The following NMT1 variants were observed in gnomAD, a reference collection of about 807,000 sequenced individuals.
The protein encoded by NMT1 is glycylpeptide N-tetradecanoyltransferase 1.
Under a neutral mutation model 63.4 loss-of-function variants are expected in NMT1, and 12 were observed. The observed-to-expected ratio is 0.19, with a 90% CI of 0.12 to 0.31. NMT1 has a LOEUF of 0.31. NMT1 is among the 10% of genes least tolerant of loss of function. NMT1 has a pLI of 1.00. For synonymous variants in NMT1, 228 were observed against 234.3 expected (o/e 0.97, Z 0.25); for missense variants, 432 against 634.6 (o/e 0.68, Z 3.43).
In NMT1 at chr17:45,103,965, A is replaced by G. The variant is rs751699955; in HGVS notation, c.1332+89A>G. ...CACAGCTCCCGGGACGCAGCCTCCC[A>G]TGGGCTGGAGGCTCTGAGCCCTCCT... On this transcript the variant is annotated intron_variant, in intron 10 of 11. Coordinates refer to ENST00000258960, the MANE Select transcript of NMT1 (RefSeq NM_021079.5). The surrounding 1 kb of genome is among the most constrained non-coding windows in gnomAD (Gnocchi z 4.8). The G allele has an allele frequency of 6.2e-6, 10 of 1,600,946 alleles. No individual in the cohort carries two copies. The highest frequency in any genetic ancestry group is 1.3e-5 in the African/African-American group (1 of 74,910).
At chr17:45,091,323 T>C (rs1465644536) in intron 3 of NMT1, among the ~76,000 whole-genome samples, 1 of 152,032 alleles carries the variant, frequency 6.6e-6, no homozygotes, top group East Asian at 1.9e-4. Flanking sequence ...TTGGTGTCCA[T>C]GATGGTGAGG....
intron 3 of NMT1, 185 bp from the exon 4 acceptor site, chr17:45,093,499 GA>G: frequency 1.8e-6 from 1 of 565,686 alleles, no homozygotes; most frequent in South Asian, 2.1e-5. Flanking sequence ...GTTTTGCCAT[GA>G]ATTGGCCCTC....
chr17:45,103,919 A>G lies in NMT1; in HGVS notation c.1332+43A>G, dbSNP rs4793167. 1,568,284 of 1,608,902 alleles carry G rather than the reference A, an allele frequency of 0.97. 764,445 individuals are homozygous for G. The highest frequency in any genetic ancestry group is 1 in the East Asian group (44,872 of 44,874). On this transcript the variant is annotated intron_variant, in intron 10 of 11. Transcript: ENST00000258960. The surrounding 1 kb of genome is among the most constrained non-coding windows in gnomAD (Gnocchi z 4.8). ...GGGTCTCTGGAGATGTGCAGGGAAG[A>G]GGCAGTGGAGCCATGGTGAGCACAG...
chr17:45,087,120 C>T (rs1347757397), intron 3 of NMT1, among the ~76,000 whole-genome samples: 1 of 151,740 alleles, frequency 6.6e-6, no homozygotes, highest in African/African-American at 2.4e-5. Context: ...GAGATCACGC[C>T]ACCGCACTCC....
chr17:45,072,177 G>T (rs952870482), intron 1 of NMT1, among the ~76,000 whole-genome samples: 6 of 151,896 alleles, frequency 4.0e-5, no homozygotes, highest in Admixed American at 3.3e-4. Context: ...GCTTGAACCT[G>T]GGAGGTTGAG....
At position 45,061,388 on chromosome 17, in the gene NMT1, T is replaced by G. The variant is rs772952636; in HGVS notation, c.59T>G (p.Met20Arg). 32 of 1,613,810 alleles carry G rather than the reference T, an allele frequency of 2.0e-5. No individual in the cohort carries two copies. The highest frequency in any genetic ancestry group is 2.5e-5 in the Non-Finnish European group (30 of 1,179,968). Residue 20 changes from methionine (M) to arginine (R), a missense_variant, in exon 1 of 12, where the codon ATG becomes AGG. Around this residue, in one of 4 missense-constraint regions of NMT1, gnomAD observed 121 missense variants for 103.7 expected, o/e 1.17. Transcript: ENST00000258960. The part of the protein sequence containing the change: ...KPPAPPLPQM[M>R]EGNGNGHEHC... ...CCGGCACCTCCGCTGCCGCAGATGA[T>G]GGAAGGGAACGGGAACGGCCATGAG...
chr17:45,079,632 G>A (rs1158868503), intron 1 of NMT1, among the ~76,000 whole-genome samples: 1 of 152,222 alleles, frequency 6.6e-6, no homozygotes, highest in African/African-American at 2.4e-5. Context: ...AGCAGCACAA[G>A]GAAGTCCCCT....
intron 2 of NMT1, 49 bp from the exon 3 acceptor site, chr17:45,086,459 T>G (rs2054054620): frequency 6.4e-7 from 1 of 1,553,372 alleles, no homozygotes; most frequent in Non-Finnish European, 8.7e-7. Flanking sequence ...TAATCAAAAG[T>G]CTTACTAACA....
At position 45,070,575 on chromosome 17, in the gene NMT1, G is replaced by A. The variant is rs148112508; in HGVS notation, c.131+9115G>A. On this transcript the variant is annotated intron_variant, in intron 1 of 11. Coordinates refer to ENST00000258960, the MANE Select transcript of NMT1 (RefSeq NM_021079.5). The stretch of plus-strand genomic sequence containing the variant: ...TGGGACTGTAGTCGCCCGTCACCAC[G>A]CCCGGCTAATTTTTTGTATTTTTAG... 1.3e-3 allele frequency among the ~76,000 whole-genome samples: 193 copies of A among 152,194 alleles called. 1 individual carries two copies. The highest frequency in any genetic ancestry group is 2.2e-3 in the Non-Finnish European group (151 of 68,008).
intron 1 of NMT1, chr17:45,061,742 G>A (rs755246638): frequency 4.4e-5 from 15 of 339,670 alleles, no homozygotes; most frequent in Non-Finnish European, 7.7e-5. Context: ...GAGCATGTTG[G>A]ACGATGGTTT....
chr17:45,098,561 G>A lies in NMT1; in HGVS notation c.884+9G>A, dbSNP rs751459222. ...CCCGTTGGCACCTGCAGGTAAAACT[G>A]TCTTCCTGTAAGGCCCCAAAAATGC... On this transcript the variant is annotated intron_variant, in intron 7 of 11. Transcript: ENST00000258960. 40 of 1,612,712 alleles carry A rather than the reference G, an allele frequency of 2.5e-5. 1 individual carries two copies. In the South Asian group the frequency reaches 3.8e-4, roughly 16 times the overall value.
At chr17:45,102,899 AGATCCAGGGT>A in intron 8 of NMT1, 42 bp from the exon 9 acceptor site, 2 of 1,523,154 alleles carry the variant, frequency 1.3e-6, no homozygotes, top group Non-Finnish European at 1.8e-6. Context: ...TGCCATGGAT[AGATCCAGGGT>A]GATCAGCTCA....
At chr17:45,093,568 C>A (rs2054103079) in intron 3 of NMT1, 117 bp from the exon 4 acceptor site, 1 of 739,328 alleles carries the variant, frequency 1.4e-6, no homozygotes, top group East Asian at 2.7e-5. Flanking sequence ...ACAGAATGTT[C>A]TTCAGATAGA....
At chr17:45,084,480 G>A (rs867366225) in intron 2 of NMT1, among the ~76,000 whole-genome samples, 1 of 152,004 alleles carries the variant, frequency 6.6e-6, no homozygotes, top group East Asian at 1.9e-4. Context: ...GACTACAGCC[G>A]CCCGTGACCA....
Position 45,097,255 on chromosome 17 carries a change from G to A in NMT1, c.713+11G>A, listed in dbSNP as rs1449861763. 1.3e-6 allele frequency: 2 copies of A among 1,583,112 alleles called. No individual in the cohort carries two copies. The highest frequency in any genetic ancestry group is 1.7e-6 in the Non-Finnish European group (2 of 1,151,912). On this transcript the variant is annotated intron_variant, in intron 6 of 11. Transcript: ENST00000258960. ...CCATATCTATGACACGTAAGCACCT[G>A]CACCTACCCCCACCCCCCACAACAC...
At chr17:45,067,174 T>C (rs1201526317) in intron 1 of NMT1, among the ~76,000 whole-genome samples, 1 of 152,160 alleles carries the variant, frequency 6.6e-6, no homozygotes, top group Non-Finnish European at 1.5e-5. Context: ...TTGATTTTTT[T>C]TTTTTTTTAA....
intron 3 of NMT1, among the ~76,000 whole-genome samples, chr17:45,088,765 TAA>T (rs34592604): frequency 4.9e-5 from 7 of 141,696 alleles, no homozygotes; most frequent in Admixed American, 7.1e-5. Context: ...AAAATGAATT[TAA>T]AAAAAAAAAA....
At position 45,103,610 on chromosome 17, in the gene NMT1, G is replaced by T. The variant is rs72832852; in HGVS notation, c.1165-99G>T. ...AGTTTCCAGCCATTTATCTAGAGGGGCAGAGCTGCCTGAAGGTGGAGTGAG... is the reference window on the plus strand; with the variant it reads ...AGTTTCCAGCCATTTATCTAGAGGGTCAGAGCTGCCTGAAGGTGGAGTGAG... On this transcript the variant is annotated intron_variant, in intron 9 of 11. Coordinates refer to ENST00000258960, the MANE Select transcript of NMT1 (RefSeq NM_021079.5). The surrounding 1 kb of genome is among the most constrained non-coding windows in gnomAD (Gnocchi z 4.8). 0.03 allele frequency: 37,132 copies of T among 1,231,860 alleles called. 686 individuals are homozygous for T. Among genetic ancestry groups the T allele is most frequent in the South Asian group, 0.047 (3,314 of 71,172 alleles). 76.3% of individuals were successfully genotyped at this position (1,231,860 alleles called of 1,614,324 possible). A position where few individuals can be genotyped will look rare whatever the true frequency, so the allele number is the denominator to read the frequency against.
intron 4 of NMT1, 136 bp from the exon 5 acceptor site, chr17:45,096,058 G>A: frequency 1.5e-6 from 1 of 665,316 alleles, no homozygotes; most frequent in Non-Finnish European, 2.7e-6. Flanking sequence ...ATGCCAGGGG[G>A]CAGAAGGATT....
Sources: allele counts gnomAD v4.1 joint callset (sites outside exome capture counted in the v4.1 genomes callset), GRCh38; gene constraint gnomAD v4.1.1; regional missense constraint gnomAD v4.1.1; non-coding constraint Gnocchi (gnomAD v3.1); transcripts MANE v1.5; gene names NCBI Gene and HGNC (gene_info 2026-07-23, HGNC 2026-07-21).